Variants in DEFB119 observed in about 807,000 individuals in gnomAD.
DEFB119 encodes defensin beta 119, also known as beta-defensin 119.
Under a neutral mutation model 2.5 loss-of-function variants are expected in DEFB119, and 3 were observed. The ratio of observed to expected loss-of-function variants is 1.19; its 90% CI spans 0.54 to 3.07. The LOEUF is 3.07. Ranked by LOEUF, DEFB119 falls within the 30% of genes most tolerant of loss-of-function variation. The probability of loss-of-function intolerance (pLI) is 0.03; values close to 1 mark genes in which losing one functional copy is unlikely to be tolerated. For missense variants in DEFB119, 113 were observed against 101.1 expected (o/e 1.12, Z -0.50); for synonymous variants, 29 against 33.7 (o/e 0.86, Z 0.48).
intron 1 of DEFB119, among the ~76,000 whole-genome samples, chr20:31,377,650 A>ATGTGTG (rs151207116): frequency 2.0e-5 from 3 of 150,740 alleles, no homozygotes; most frequent in Admixed American, 2.0e-4. Flanking sequence ...GTGTGTGTAT[A>ATGTGTG]TGTGTGTGTG....
At chr20:31,379,279 G>A (rs2122287653) in intron 1 of DEFB119, among the ~76,000 whole-genome samples, 1 of 152,174 alleles carries the variant, frequency 6.6e-6, no homozygotes, top group Non-Finnish European at 1.5e-5. Context: ...GGTTGAGTGG[G>A]CCTAAACTAA....
At chr20:31,381,645 C>A (rs1986510097) in intron 1 of DEFB119, among the ~76,000 whole-genome samples, 1 of 152,066 alleles carries the variant, frequency 6.6e-6, no homozygotes, top group Admixed American at 6.5e-5. Context: ...AAACCCATCT[C>A]TACAAAAAAT....
intron 1 of DEFB119, chr20:31,389,095 A>T (rs1177339345): frequency 3.7e-6 from 6 of 1,614,154 alleles, no homozygotes; most frequent in Non-Finnish European, 5.1e-6. Context: ...CCAGCCAAGG[A>T]TTCCATGAAT....
chr20:31,377,454 A>C lies in DEFB119; in HGVS notation c.62-15T>G. 1 of 1,607,914 alleles carries C rather than the reference A, an allele frequency of 6.2e-7. No homozygotes were observed. ...GTGGCGTTTGCCTGCCAAAGGAAAA[A>C]AAATACAAATAGTTAATTCACCTAG... is the stretch of plus-strand genomic sequence containing the variant. On this transcript the variant is annotated splice_polypyrimidine_tract_variant and intron_variant, in intron 1 of 1. Coordinates refer to ENST00000376321, the MANE Select transcript of DEFB119 (RefSeq NM_153289.4).
At chr20:31,385,225 A>G (rs1986648321) in intron 1 of DEFB119, among the ~76,000 whole-genome samples, 2 of 152,168 alleles carry the variant, frequency 1.3e-5, no homozygotes, top group Admixed American at 1.3e-4. Flanking sequence ...TCTACTCCAG[A>G]TCTCTACTCA....
intron 1 of DEFB119, chr20:31,378,518 T>C (rs768816806): frequency 7.0e-7 from 1 of 1,431,492 alleles, no homozygotes; most frequent in South Asian, 1.3e-5. Flanking sequence ...AGGAAAATCT[T>C]AACTTTAATG....
At chr20:31,377,690 G>C (rs1211488681) in intron 1 of DEFB119, among the ~76,000 whole-genome samples, 2 of 152,032 alleles carry the variant, frequency 1.3e-5, no homozygotes, top group Non-Finnish European at 2.9e-5. Flanking sequence ...GTAAAGTAAA[G>C]AAGAACAAGG....
At chr20:31,380,988 A>G (rs1055724459) in intron 1 of DEFB119, among the ~76,000 whole-genome samples, 1 of 152,258 alleles carries the variant, frequency 6.6e-6, no homozygotes, top group African/African-American at 2.4e-5. Flanking sequence ...GGATTTTGAC[A>G]TAAATGCCTA....
chr20:31,383,150 G>C (rs1986561908), intron 1 of DEFB119, among the ~76,000 whole-genome samples: 1 of 152,184 alleles, frequency 6.6e-6, no homozygotes, highest in South Asian at 2.1e-4. Context: ...TTAAATTGTA[G>C]CTCCCATAAT....
intron 1 of DEFB119, chr20:31,389,100 A>G (rs1224572793): frequency 1.9e-6 from 3 of 1,614,046 alleles, no homozygotes; most frequent in African/African-American, 1.3e-5. Context: ...CAAGGATTCC[A>G]TGAATTGTTA....
chr20:31,379,447 T>A (rs761175778), intron 1 of DEFB119, among the ~76,000 whole-genome samples: 1 of 152,112 alleles, frequency 6.6e-6, no homozygotes, highest in African/African-American at 2.4e-5. Context: ...TTCAGTGAAA[T>A]GTCTTTTCAT....
intron 1 of DEFB119, among the ~76,000 whole-genome samples, chr20:31,387,037 C>A (rs1986733164): frequency 6.6e-6 from 1 of 152,006 alleles, no homozygotes; most frequent in East Asian, 1.9e-4. Flanking sequence ...AACTACTGAC[C>A]TCGTGGTGAT....
chr20:31,388,976 TGA>T, intron 1 of DEFB119: 1 of 1,600,260 alleles, frequency 6.2e-7, no homozygotes, highest in Non-Finnish European at 8.5e-7. Flanking sequence ...AACAAATTTG[TGA>T]GTTTTAATGA....
chr20:31,389,205 G>A, intron 1 of DEFB119: 1 of 1,614,096 alleles, frequency 6.2e-7, no homozygotes, highest in South Asian at 1.1e-5. Context: ...ACAACAACCG[G>A]CAGTGTCCAT....
In DEFB119 at chr20:31,390,523, G is replaced by A. The variant is rs1186434791; in HGVS notation, c.-40C>T. On this transcript the variant is annotated 5_prime_UTR_variant, in exon 1 of 2. Transcript: ENST00000376321. Reference sequence around the variant, plus strand: ...AGAGGAGGAGGTGGCTGAGCTGCAGGGGAAGGAAATAGGGTTCCCTGCAGC... The same window carrying A: ...AGAGGAGGAGGTGGCTGAGCTGCAGAGGAAGGAAATAGGGTTCCCTGCAGC... The A allele has an allele frequency of 1.0e-5, 16 of 1,603,758 alleles. No homozygotes were observed. The South Asian group carries it at 1.4e-4, about 14-fold the overall frequency.
In DEFB119 at chr20:31,386,816, T is replaced by C. The variant is rs577213621; in HGVS notation, c.61+3607A>G. On this transcript the variant is annotated intron_variant, in intron 1 of 1. Coordinates refer to ENST00000376321, the MANE Select transcript of DEFB119 (RefSeq NM_153289.4). ...TCTTTTTCTTTTTCTTTTTCTTTTT[T>C]TTTTTTTTTTTTTTTGAGACGGAGT... Among the ~76,000 whole-genome samples, 27 of 137,972 alleles carry C rather than the reference T, an allele frequency of 2.0e-4. No homozygotes were observed. In the South Asian group the frequency reaches 2.6e-3, roughly 13 times the overall value. 90.5% of individuals were successfully genotyped at this position (137,972 alleles called of 152,430 possible).
intron 1 of DEFB119, among the ~76,000 whole-genome samples, chr20:31,379,371 C>T (rs988455731): frequency 1.3e-5 from 2 of 152,184 alleles, no homozygotes; most frequent in South Asian, 2.1e-4. Context: ...TCTTTATATG[C>T]ATTTCCCTAA....
At chr20:31,380,077 T>G (rs1262435470) in intron 1 of DEFB119, among the ~76,000 whole-genome samples, 1 of 152,216 alleles carries the variant, frequency 6.6e-6, no homozygotes, top group Admixed American at 6.5e-5. Context: ...AACCATCCTC[T>G]TCACAGGGTG....
intron 1 of DEFB119, among the ~76,000 whole-genome samples, chr20:31,387,744 C>A (rs981076115): frequency 1.3e-5 from 2 of 152,130 alleles, no homozygotes; most frequent in African/African-American, 4.8e-5. Context: ...TTGAAGCAGG[C>A]ACAAGGTTTC....
Sources: gnomAD v4.1 joint callset for allele counts (sites outside exome capture counted in the v4.1 genomes callset) on GRCh38, gnomAD v4.1.1 for gene constraint, MANE v1.5 for transcripts, NCBI Gene and HGNC (gene_info 2026-07-23, HGNC 2026-07-21) for gene names.